PRKCA: variants seen among roughly 807,000 people sequenced by gnomAD.
PRKCA encodes the protein protein kinase C alpha, also known as protein kinase C alpha type.
PRKCA carries 27 observed loss-of-function variants against 87.0 expected under a neutral mutation model. That is an observed-to-expected ratio of 0.31 (90% confidence interval 0.23 to 0.43). PRKCA has a LOEUF of 0.43. Among genes scored for constraint, PRKCA ranks in the 20% least tolerant of loss-of-function variants. The pLI, the probability that PRKCA is intolerant of heterozygous loss-of-function variation, is 1.00. For synonymous variants in PRKCA, 329 were observed against 311.1 expected, an observed-to-expected ratio of 1.06 and a Z score of -0.61; for missense variants, 518 against 852.3, an observed-to-expected ratio of 0.61 and a Z score of 4.88.
intron 2 of PRKCA, among the ~76,000 whole-genome samples, chr17:66,403,354 A>G (rs2143698089): frequency 6.6e-6 from 1 of 152,306 alleles, no homozygotes; most frequent in Middle Eastern, 3.4e-3. Context: ...TATATATTGG[A>G]TGATGTATTA....
chr17:66,728,638 T>C (rs185352445), intron 8 of PRKCA, among the ~76,000 whole-genome samples: 3 of 152,334 alleles, frequency 2.0e-5, no homozygotes, highest in African/African-American at 7.2e-5. Flanking sequence ...CAGACTAATA[T>C]GATAACATGA....
intron 7 of PRKCA, 110 bp from the exon 8 acceptor site, chr17:66,688,841 C>G: frequency 1.4e-6 from 1 of 700,128 alleles, no homozygotes; most frequent in South Asian, 1.7e-5. Flanking sequence ...GTCTACTGAT[C>G]TGGCTGTAGC....
intron 3 of PRKCA, among the ~76,000 whole-genome samples, chr17:66,548,750 G>A (rs748796535): frequency 1.3e-5 from 2 of 152,126 alleles, no homozygotes; most frequent in African/African-American, 4.8e-5. Context: ...AAGGCAGGGC[G>A]GCTGGAGGAG....
At chr17:66,448,463 A>G (rs959746799) in intron 2 of PRKCA, among the ~76,000 whole-genome samples, 3 of 152,162 alleles carry the variant, frequency 2.0e-5, no homozygotes, top group South Asian at 2.1e-4. Context: ...TTAAACTGCT[A>G]TGCGTAATGA....
chr17:66,306,136 C>T lies in PRKCA; in HGVS notation c.205+9C>T. The T allele has an allele frequency of 6.2e-7, 1 of 1,610,608 alleles. No homozygotes were observed. The highest frequency in any genetic ancestry group is 8.5e-7 in the Non-Finnish European group (1 of 1,178,514). ...AGGCTTCCAGTGCCAAGGTAAGCTACCACTTTTGGTTTTATTTTCAAGCAC... is the reference window on the plus strand; with the variant it reads ...AGGCTTCCAGTGCCAAGGTAAGCTATCACTTTTGGTTTTATTTTCAAGCAC... On this transcript the variant is annotated intron_variant, in intron 2 of 16. Transcript: ENST00000413366.
chr17:66,807,570 C>T lies in PRKCA; in HGVS notation c.*3533C>T, dbSNP rs1227866419. On this transcript the variant is annotated 3_prime_UTR_variant, in exon 17 of 17. Coordinates refer to ENST00000413366, the MANE Select transcript of PRKCA (RefSeq NM_002737.3). The surrounding 1 kb of genome is among the most constrained non-coding windows in gnomAD (Gnocchi z 4.3). ...TTCCCTTCCTTTCATCCACTGGCCTCGTGTGGTCCATGCAGGGCCACTGTC... is the reference window on the plus strand; with the variant it reads ...TTCCCTTCCTTTCATCCACTGGCCTTGTGTGGTCCATGCAGGGCCACTGTC... 4 of 152,256 alleles carry T rather than the reference C, an allele frequency of 2.6e-5. No homozygotes were observed. Among genetic ancestry groups the T allele is most frequent in the African/African-American group, 9.6e-5 (4 of 41,458 alleles). 9.4% of individuals were successfully genotyped at this position (152,256 alleles called of 1,614,324 possible). A position where few individuals can be genotyped will look rare whatever the true frequency, so the allele number is the denominator to read the frequency against.
chr17:66,727,064 G>A (rs1195912159), intron 8 of PRKCA, among the ~76,000 whole-genome samples: 5 of 152,100 alleles, frequency 3.3e-5, no homozygotes, highest in Non-Finnish European at 5.9e-5. Flanking sequence ...CGAGAGCAAC[G>A]GGACATCTTT....
In PRKCA at chr17:66,499,068, T is replaced by C. The variant is rs1916607317; in HGVS notation, c.288+2785T>C. On this transcript the variant is annotated intron_variant, in intron 3 of 16. Coordinates refer to ENST00000413366, the MANE Select transcript of PRKCA (RefSeq NM_002737.3). ...GCAGACACATTCAGTGTGAGATGCC[T>C]GACGCTGGGAGTCAGTTGAGTATGG... Among the ~76,000 whole-genome samples the C allele has an allele frequency of 1.3e-5, 2 of 152,166 alleles. 1 individual carries two copies. Among genetic ancestry groups the C allele is most frequent in the South Asian group, 4.2e-4 (2 of 4,812 alleles).
intron 8 of PRKCA, among the ~76,000 whole-genome samples, chr17:66,697,691 AAG>A (rs1041523017): frequency 6.6e-6 from 1 of 152,170 alleles, no homozygotes; most frequent in Non-Finnish European, 1.5e-5. Flanking sequence ...GAGAGCAGGA[AAG>A]AGAAGCTGCT....
intron 8 of PRKCA, among the ~76,000 whole-genome samples, chr17:66,704,177 A>C (rs1973136873): frequency 6.7e-6 from 1 of 149,770 alleles, no homozygotes; most frequent in Non-Finnish European, 1.5e-5. Context: ...AAAAAAAAAC[A>C]GGAATAGGTT....
rs561174193 is a variant in PRKCA, at chr17:66,778,235, T to C, written c.1605+4168T>C. On this transcript the variant is annotated intron_variant, in intron 14 of 16. Coordinates refer to ENST00000413366, the MANE Select transcript of PRKCA (RefSeq NM_002737.3). ...CATCTCTATTAAAAACGGTGATGGC[T>C]GGGCCCGGTGGCTCACACCTGTAAT... is the stretch of plus-strand genomic sequence containing the variant. 1.1e-5 allele frequency: 11 copies of C among 982,430 alleles called. No individual in the cohort carries two copies. The South Asian group carries it at 3.8e-4, about 34-fold the overall frequency. The allele number at this position is 982,430 out of a possible 1,614,324, so 60.9% of individuals were successfully genotyped here.
intron 3 of PRKCA, among the ~76,000 whole-genome samples, chr17:66,518,437 A>G (rs1411580525): frequency 6.6e-6 from 1 of 152,230 alleles, no homozygotes; most frequent in Non-Finnish European, 1.5e-5. Context: ...TCAGGAAAAA[A>G]TATGATTTTT....
intron 3 of PRKCA, among the ~76,000 whole-genome samples, chr17:66,605,407 A>G (rs985039608): frequency 9.2e-5 from 14 of 152,224 alleles, no homozygotes; most frequent in African/African-American, 2.2e-4. Flanking sequence ...CAAAATCACA[A>G]TGACATTCTT....
chr17:66,465,656 C>G (rs940737679), intron 2 of PRKCA, among the ~76,000 whole-genome samples: 1 of 152,022 alleles, frequency 6.6e-6, no homozygotes, highest in African/African-American at 2.4e-5. Context: ...ACCTTGGCCC[C>G]TCAAAAGTGT....
At chr17:66,335,326 G>A (rs916689300) in intron 2 of PRKCA, among the ~76,000 whole-genome samples, 1 of 151,878 alleles carries the variant, frequency 6.6e-6, no homozygotes, top group African/African-American at 2.4e-5. Flanking sequence ...GTGGAGACGA[G>A]GTGTGACTAT....
chr17:66,384,775 C>A (rs1276678608), intron 2 of PRKCA, among the ~76,000 whole-genome samples: 1 of 152,006 alleles, frequency 6.6e-6, no homozygotes, highest in Non-Finnish European at 1.5e-5. Flanking sequence ...ACTACAGGTG[C>A]CCGTCACCAC....
intron 3 of PRKCA, among the ~76,000 whole-genome samples, chr17:66,515,604 G>GTGGT (rs1235426122): frequency 2.6e-5 from 4 of 152,114 alleles, no homozygotes; most frequent in Non-Finnish European, 5.9e-5. Context: ...GTGCAGTGGG[G>GTGGT]TGGTCACAGC....
At chr17:66,571,780 T>C (rs1465934537) in intron 3 of PRKCA, among the ~76,000 whole-genome samples, 1 of 152,150 alleles carries the variant, frequency 6.6e-6, no homozygotes, top group Non-Finnish European at 1.5e-5. Flanking sequence ...AAAAGACCAC[T>C]CTGAAGCAGG....
intron 16 of PRKCA, among the ~76,000 whole-genome samples, chr17:66,797,471 G>A (rs1975696085): frequency 6.6e-6 from 1 of 152,188 alleles, no homozygotes; most frequent in Non-Finnish European, 1.5e-5. Flanking sequence ...TCGTCCCTCA[G>A]AGATCGATCA....
Sources: allele counts gnomAD v4.1 joint callset (sites outside exome capture counted in the v4.1 genomes callset), GRCh38; gene constraint gnomAD v4.1.1; non-coding constraint Gnocchi (gnomAD v3.1); transcripts MANE v1.5; gene names NCBI Gene and HGNC (gene_info 2026-07-23, HGNC 2026-07-21).